Variants in PRKAG2 observed in about 807,000 individuals in gnomAD.
PRKAG2 encodes the protein protein kinase AMP-activated non-catalytic subunit gamma 2.
Under a neutral mutation model 69.6 loss-of-function variants are expected in PRKAG2, and 26 were observed. The ratio of observed to expected loss-of-function variants is 0.37; its 90% CI spans 0.27 to 0.52. The LOEUF is 0.52. Among genes scored for constraint, PRKAG2 ranks in the 20% least tolerant of loss-of-function variants. PRKAG2 has a pLI of 0.90. For synonymous variants in PRKAG2, 293 were observed against 285.0 expected (o/e 1.03, Z -0.28); for missense variants, 557 against 740.0 (o/e 0.75, Z 2.87).
intron 3 of PRKAG2, among the ~76,000 whole-genome samples, chr7:151,680,274 G>T (rs1401081000): frequency 2.0e-5 from 3 of 152,106 alleles, no homozygotes; most frequent in Admixed American, 1.3e-4. Flanking sequence ...CATTACCATG[G>T]TGCTTTTAAA....
intron 5 of PRKAG2, among the ~76,000 whole-genome samples, chr7:151,601,061 C>A (rs1048983497): frequency 6.6e-6 from 1 of 152,176 alleles, no homozygotes; most frequent in Non-Finnish European, 1.5e-5. Flanking sequence ...ACTTCCCTCA[C>A]TCAACGGTGC....
At chr7:151,860,619 C>T (rs1440165352) in intron 1 of PRKAG2, among the ~76,000 whole-genome samples, 2 of 152,166 alleles carry the variant, frequency 1.3e-5, no homozygotes, top group Non-Finnish European at 2.9e-5. Context: ...ACTTGGGAGC[C>T]TGAGTGTTCT....
chr7:151,778,817 C>T (rs560530719), intron 3 of PRKAG2, among the ~76,000 whole-genome samples: 15 of 152,340 alleles, frequency 9.8e-5, no homozygotes, highest in African/African-American at 2.9e-4. Flanking sequence ...GCAACATTTT[C>T]CTTCCACCCA....
chr7:151,675,565 T>C lies in PRKAG2; in HGVS notation c.539A>G (p.Tyr180Cys), dbSNP rs775264059. 2.5e-6 allele frequency: 4 copies of C among 1,613,984 alleles called. No homozygotes were observed. Among genetic ancestry groups the C allele is most frequent in the East Asian group, 4.5e-5 (2 of 44,882 alleles). ...CTCTAACCGTTCAGGCTCGTGCTTA[T>C]AGGATTCCAGGGGAAACGTGTGCTG... ...TKQHTFPLES[Y>C]KHEPERLENR... is the part of the protein sequence containing the mutation. Residue 180 changes from tyrosine (Y) to cysteine (C), a missense_variant, in exon 4 of 16, where the codon TAT (tyrosine) becomes TGT (cysteine). Tyr to Cys is a radical substitution (Grantham distance 194, BLOSUM62 -2). Transcript: ENST00000287878.
At chr7:151,663,324 T>C (rs1158998763) in intron 4 of PRKAG2, among the ~76,000 whole-genome samples, 1 of 152,178 alleles carries the variant, frequency 6.6e-6, no homozygotes, top group Non-Finnish European at 1.5e-5. Flanking sequence ...GCAAGGAGTA[T>C]AATCTTCAAG....
In PRKAG2 at chr7:151,807,511, T is replaced by C; in HGVS notation, c.115-20970A>G. The C allele has an allele frequency of 2.2e-6, 1 of 457,880 alleles. No homozygotes were observed. Among genetic ancestry groups the C allele is most frequent in the South Asian group, 1.5e-5 (1 of 64,570 alleles). 28.4% of individuals were successfully genotyped at this position (457,880 alleles called of 1,614,324 possible). On this transcript the variant is annotated intron_variant, in intron 1 of 15. Coordinates refer to ENST00000287878, the MANE Select transcript of PRKAG2 (RefSeq NM_016203.4). This position sits in a 1 kb window ranked among gnomAD's most constrained non-coding sequence, Gnocchi z 4.4. Reference sequence around the variant, plus strand: ...CCTATCAGATCGGGCACACTGCCCCTTCTTCCCAACCTACGAGCTGAAATG... The same window carrying C: ...CCTATCAGATCGGGCACACTGCCCCCTCTTCCCAACCTACGAGCTGAAATG...
At position 151,771,076 on chromosome 7, in the gene PRKAG2, A is replaced by G. The variant is rs1384529614; in HGVS notation, c.466+10076T>C. On this transcript the variant is annotated intron_variant, in intron 3 of 15. Transcript: ENST00000287878. The surrounding 1 kb of genome is among the most constrained non-coding windows in gnomAD (Gnocchi z 4.0). Reference sequence around the variant, plus strand: ...GCCCACAATGTATAGGTTGCTTACAAAAATAACCAGCCCTCCTCTGTTCCT... The same window carrying G: ...GCCCACAATGTATAGGTTGCTTACAGAAATAACCAGCCCTCCTCTGTTCCT... Among the ~76,000 whole-genome samples, 1 of 152,224 alleles carries G rather than the reference A, an allele frequency of 6.6e-6. No individual in the cohort carries two copies. Among genetic ancestry groups the G allele is most frequent in the Non-Finnish European group, 1.5e-5 (1 of 68,040 alleles).
At chr7:151,872,153 C>T (rs1429238208) in intron 1 of PRKAG2, among the ~76,000 whole-genome samples, 2 of 152,196 alleles carry the variant, frequency 1.3e-5, no homozygotes, top group Admixed American at 6.5e-5. Flanking sequence ...GGCCCCTTAT[C>T]CCAAATACCT....
At position 151,874,106 on chromosome 7, in the gene PRKAG2, GATGTAT is replaced by G. The variant is rs1400966689; in HGVS notation, c.114+2395_114+2400del. On this transcript the variant is annotated intron_variant, in intron 1 of 15. Coordinates refer to ENST00000287878, the MANE Select transcript of PRKAG2 (RefSeq NM_016203.4). The stretch of plus-strand genomic sequence containing the variant: ...ATATGTATATGATGTATATGTATAT[GATGTAT>G]ATGTATATGTATATGATGTATATGT... Among the ~76,000 whole-genome samples the G allele has an allele frequency of 4.5e-4, 62 of 139,006 alleles. No homozygotes were observed. In the East Asian group the frequency reaches 7.1e-3, roughly 16 times the overall value. 91.2% of individuals were successfully genotyped at this position (139,006 alleles called of 152,430 possible).
At chr7:151,625,552 ATTGGAGGGGGCAGAGCAGG>A (rs1461498229) in intron 5 of PRKAG2, among the ~76,000 whole-genome samples, 1 of 152,196 alleles carries the variant, frequency 6.6e-6, no homozygotes, top group Non-Finnish European at 1.5e-5. Context: ...TGGCAAATTA[ATTGGAGGGGGCAGAGCAGG>A]TGCTGGGAGA....
chr7:151,764,912 C>G (rs1020996046), intron 3 of PRKAG2, among the ~76,000 whole-genome samples: 2 of 152,224 alleles, frequency 1.3e-5, no homozygotes, highest in African/African-American at 4.8e-5. Flanking sequence ...TCACTGAAAA[C>G]AACAGAAGAT....
intron 4 of PRKAG2, among the ~76,000 whole-genome samples, chr7:151,669,424 AAC>A (rs370810259): frequency 3.1e-4 from 47 of 152,352 alleles, no homozygotes; most frequent in Non-Finnish European, 5.9e-4. Context: ...TAGTATGTGA[AAC>A]ACGATTACAC....
chr7:151,615,083 C>T (rs753403814), intron 5 of PRKAG2, among the ~76,000 whole-genome samples: 14 of 152,156 alleles, frequency 9.2e-5, no homozygotes, highest in Non-Finnish European at 1.8e-4. Context: ...CAGAGGGAAC[C>T]CCCAGAGAGG....
intron 1 of PRKAG2, among the ~76,000 whole-genome samples, chr7:151,795,854 T>TACATATATATACAC (rs2077482903): frequency 5.7e-5 from 5 of 88,414 alleles, no homozygotes; most frequent in African/African-American, 2.8e-4. Flanking sequence ...CTCATATATA[T>TACATATATATACAC]ATATATATAT....
chr7:151,665,407 C>T (rs529672578), intron 4 of PRKAG2, among the ~76,000 whole-genome samples: 3 of 152,354 alleles, frequency 2.0e-5, no homozygotes, highest in East Asian at 3.9e-4. Context: ...AAGGGCCACG[C>T]TCCCAGTCGT....
At chr7:151,859,615 G>A (rs1217650577) in intron 1 of PRKAG2, among the ~76,000 whole-genome samples, 5 of 152,184 alleles carry the variant, frequency 3.3e-5, no homozygotes, top group Non-Finnish European at 7.4e-5. Context: ...GAGGCTGTGT[G>A]CCCAAGCCCG....
At chr7:151,816,361 T>C (rs1413060105) in intron 1 of PRKAG2, among the ~76,000 whole-genome samples, 3 of 151,912 alleles carry the variant, frequency 2.0e-5, no homozygotes, top group African/African-American at 7.3e-5. Flanking sequence ...GAATGAGCCA[T>C]GTGTTATGGG....
In PRKAG2 at chr7:151,561,331, T is replaced by C. The variant is rs114657745; in HGVS notation, c.1585-714A>G. The stretch of plus-strand genomic sequence containing the variant: ...TTAATTTCTAAAAGTTGTATATCAG[T>C]TTCTAATAACTATCAGGTACTTGTC... On this transcript the variant is annotated intron_variant, in intron 14 of 15. Transcript: ENST00000287878. Among the ~76,000 whole-genome samples the C allele has an allele frequency of 4.2e-3, 634 of 152,338 alleles. 6 individuals are homozygous for C. Among genetic ancestry groups the C allele is most frequent in the African/African-American group, 0.014 (584 of 41,572 alleles).
intron 3 of PRKAG2, chr7:151,734,195 G>A (rs1799399500): frequency 6.6e-6 from 1 of 152,228 alleles, no homozygotes; most frequent in African/African-American, 2.4e-5. Context: ...ACGCTTCCAG[G>A]AGAGCTGCCC....
Sources: allele counts gnomAD v4.1 joint callset (sites outside exome capture counted in the v4.1 genomes callset), GRCh38; gene constraint gnomAD v4.1.1; non-coding constraint Gnocchi (gnomAD v3.1); transcripts MANE v1.5; gene names NCBI Gene and HGNC (gene_info 2026-07-23, HGNC 2026-07-21).